Variants in MYO1E observed in about 807,000 individuals in gnomAD.
MYO1E encodes the protein myosin IE, also known as unconventional myosin-Ie.
In MYO1E, 68 loss-of-function variants were observed where a neutral mutation model predicts 151.1. The observed-to-expected ratio is 0.45, with a 90% CI of 0.37 to 0.55. The LOEUF is 0.55. MYO1E is among the 20% of genes least tolerant of loss of function. The pLI, the probability that MYO1E is intolerant of heterozygous loss-of-function variation, is 0.00. For synonymous variants in MYO1E, 601 were observed against 501.7 expected (o/e 1.20, Z -2.64); for missense variants, 1,363 against 1,389.3 (o/e 0.98, Z 0.30).
chr15:59,195,647 C>T (rs1451726022), intron 16 of MYO1E, 80 bp from the exon 17 acceptor site: 11 of 1,271,018 alleles, frequency 8.7e-6, no homozygotes, highest in Non-Finnish European at 1.2e-5. Flanking sequence ...GTAAAACTCT[C>T]TTGTAGAAAT....
intron 9 of MYO1E, among the ~76,000 whole-genome samples, chr15:59,218,880 A>T (rs1169649099): frequency 6.6e-6 from 1 of 152,230 alleles, no homozygotes; most frequent in Non-Finnish European, 1.5e-5. Context: ...CATGATCAAG[A>T]CGAGACGGTC....
rs374375535 is a variant in MYO1E, at chr15:59,171,277, G to C, written c.2480+620C>G. ...TAGCCTAGGTCCCACTGACGGAGGA[G>C]ATGCTGACGGCCGGCAGAGGAGCCC... On this transcript the variant is annotated intron_variant, in intron 22 of 27. Transcript: ENST00000288235. The C allele has an allele frequency of 1.2e-4, 19 of 160,872 alleles. No homozygotes were observed. In the East Asian group the frequency reaches 3.2e-3, roughly 27 times the overall value. The allele number at this position is 160,872 out of a possible 1,614,324, so 10.0% of individuals were successfully genotyped here. A position where few individuals can be genotyped will look rare whatever the true frequency, so the allele number is the denominator to read the frequency against.
At chr15:59,145,637 C>T (rs1270852004) in intron 26 of MYO1E, among the ~76,000 whole-genome samples, 2 of 152,072 alleles carry the variant, frequency 1.3e-5, no homozygotes, top group Non-Finnish European at 2.9e-5. Flanking sequence ...AGTGATCCAC[C>T]CGCCTTGGCC....
intron 1 of MYO1E, among the ~76,000 whole-genome samples, chr15:59,290,136 C>T (rs1477091565): frequency 6.6e-6 from 1 of 152,160 alleles, no homozygotes; most frequent in African/African-American, 2.4e-5. Flanking sequence ...AACTTGGTGA[C>T]AGAGTGTGTG....
At chr15:59,354,022 TAAGAAAAA>T (rs1257452259) in intron 1 of MYO1E, among the ~76,000 whole-genome samples, 1 of 152,098 alleles carries the variant, frequency 6.6e-6, no homozygotes, top group East Asian at 1.9e-4. Flanking sequence ...TACCACACAC[TAAGAAAAA>T]CCCCCATTTG....
chr15:59,244,273 C>T (rs2080116641), intron 4 of MYO1E, among the ~76,000 whole-genome samples: 1 of 152,218 alleles, frequency 6.6e-6, no homozygotes, highest in African/African-American at 2.4e-5. Flanking sequence ...CAGCCTGATG[C>T]AGTCAGAGGA....
chr15:59,289,984 G>A (rs768777827), intron 1 of MYO1E, among the ~76,000 whole-genome samples: 6 of 152,232 alleles, frequency 3.9e-5, no homozygotes, highest in Non-Finnish European at 8.8e-5. Flanking sequence ...AATGTTTGGG[G>A]ATCGGGGAAC....
chr15:59,197,045 T>C (rs372270123), intron 16 of MYO1E, among the ~76,000 whole-genome samples: 2 of 132,214 alleles, frequency 1.5e-5, no homozygotes, highest in East Asian at 5.3e-4. Context: ...CAGGCTGGAG[T>C]GCAGTGGCGT....
chr15:59,212,827 T>C (rs956619155), intron 12 of MYO1E: 12 of 152,088 alleles, frequency 7.9e-5, no homozygotes, highest in South Asian at 6.2e-4. Flanking sequence ...GATTTGGATA[T>C]AGACACAGAG....
At position 59,158,309 on chromosome 15, in the gene MYO1E, C is replaced by A; in HGVS notation, c.2856G>T (p.Val952=). 6.3e-7 allele frequency: 1 copy of A among 1,576,594 alleles called. No homozygotes were observed. The highest frequency in any genetic ancestry group is 8.6e-7 in the Non-Finnish European group (1 of 1,158,954). Residue 952 remains valine (V), a synonymous_variant, in exon 25 of 28, where the codon GTG becomes GTT. Coordinates refer to ENST00000288235, the MANE Select transcript of MYO1E (RefSeq NM_004998.4). ...TACCTGGGGGAGGAGGGGCAGCTCT[C>A]ACTGGGTAGTTGGCATTTTGAGTCC... The part of the protein sequence containing the change: ...SSGTQNANYP[V]RAAPPPPGYH...
chr15:59,215,175 T>G (rs1379512063), intron 10 of MYO1E, among the ~76,000 whole-genome samples: 1 of 152,194 alleles, frequency 6.6e-6, no homozygotes, highest in Admixed American at 6.5e-5. Flanking sequence ...AAGACAACCC[T>G]TGTTCCTAGG....
chr15:59,262,705 C>G (rs1470520447), intron 2 of MYO1E, among the ~76,000 whole-genome samples: 1 of 152,088 alleles, frequency 6.6e-6, no homozygotes, highest in Non-Finnish European at 1.5e-5. Context: ...AAATTATAAA[C>G]CCACCTACAT....
chr15:59,205,421 T>C lies in MYO1E; in HGVS notation c.1595A>G (p.Glu532Gly). The change falls in exon 15 of 28, where the codon GAG (glutamate) becomes GGG (glycine). Residue 532 changes from glutamate (E) to glycine (G), a missense_variant. Glu to Gly is a moderately conservative substitution (Grantham distance 98, BLOSUM62 -2). Coordinates refer to ENST00000288235, the MANE Select transcript of MYO1E (RefSeq NM_004998.4). ...TTACAGCTCGCTGCTCTGCATAAGC[T>C]CGATGAGATCCATAAAAAGCACATC... ...NRDVLFMDLI[E>G]LMQSSELPFI... The C allele has an allele frequency of 6.2e-7, 1 of 1,614,134 alleles. No homozygotes were observed. The highest frequency in any genetic ancestry group is 1.7e-5 in the Admixed American group (1 of 60,022).
intron 1 of MYO1E, among the ~76,000 whole-genome samples, chr15:59,284,413 G>C (rs2080375232): frequency 6.6e-6 from 1 of 152,294 alleles, no homozygotes; most frequent in South Asian, 2.1e-4. Flanking sequence ...CCAGTTAAGA[G>C]TAACAGATAT....
At chr15:59,183,567 T>C (rs1005562293) in intron 18 of MYO1E, among the ~76,000 whole-genome samples, 6 of 152,166 alleles carry the variant, frequency 3.9e-5, no homozygotes, top group Non-Finnish European at 7.3e-5. Context: ...TGAGATTTTT[T>C]TTCTTTTTTA....
chr15:59,266,532 T>A lies in MYO1E; in HGVS notation c.148-5023A>T, dbSNP rs147166269. Reference sequence around the variant, plus strand: ...GCACTGAATTTTTCATAAAGCTTAATTTATTCAAAATAAAGAAACTGTCCT... The same window carrying A: ...GCACTGAATTTTTCATAAAGCTTAAATTATTCAAAATAAAGAAACTGTCCT... On this transcript the variant is annotated intron_variant, in intron 2 of 27. Transcript: ENST00000288235. Among the ~76,000 whole-genome samples, 153 of 152,328 alleles carry A rather than the reference T, an allele frequency of 1.0e-3. 1 individual carries two copies. Among genetic ancestry groups the A allele is most frequent in the Middle Eastern group, 3.4e-3 (1 of 294 alleles).
intron 12 of MYO1E, among the ~76,000 whole-genome samples, chr15:59,213,135 A>ATTT (rs1243914197): frequency 1.6e-3 from 169 of 108,830 alleles, no homozygotes; most frequent in Non-Finnish European, 2.2e-3. Flanking sequence ...TGAACTATTT[A>ATTT]TTTATTATTA....
intron 12 of MYO1E, 34 bp from the exon 13 acceptor site, chr15:59,210,634 C>G (rs202034308): frequency 6.9e-7 from 1 of 1,457,332 alleles, no homozygotes; most frequent in African/African-American, 1.4e-5. Context: ...CACATTATTT[C>G]CCAGATAGCA....
intron 8 of MYO1E, among the ~76,000 whole-genome samples, chr15:59,224,298 A>C (rs1333495994): frequency 6.6e-6 from 1 of 152,242 alleles, no homozygotes; most frequent in East Asian, 1.9e-4. Flanking sequence ...AGAAAAGACT[A>C]AAGACGTTCC....
Sources: gnomAD v4.1 joint callset for allele counts (sites outside exome capture counted in the v4.1 genomes callset) on GRCh38, gnomAD v4.1.1 for gene constraint, MANE v1.5 for transcripts, NCBI Gene and HGNC (gene_info 2026-07-23, HGNC 2026-07-21) for gene names.